Variants in RBX1 observed in about 807,000 individuals in gnomAD.
The protein encoded by RBX1 is E3 ubiquitin-protein ligase RBX1.
For synonymous variants in RBX1, 48 were observed against 47.9 expected, an observed-to-expected ratio of 1.00 and a Z score of -0.01; for missense variants, 46 against 141.4, an observed-to-expected ratio of 0.33 and a Z score of 3.42.
intron 2 of RBX1, among the ~76,000 whole-genome samples, chr22:40,961,781 C>T (rs1269649108): frequency 6.7e-6 from 1 of 149,442 alleles, no homozygotes; most frequent in African/African-American, 2.5e-5. Context: ...AAGTGCTTTG[C>T]TTTCTCTGTG....
In RBX1 at chr22:40,952,054, T is replaced by C. The variant is rs568330894; in HGVS notation, c.78+578T>C. 9.2e-5 allele frequency among the ~76,000 whole-genome samples: 14 copies of C among 152,208 alleles called. No individual in the cohort carries two copies. The South Asian group carries it at 2.7e-3, about 29-fold the overall frequency. ...TAGAGTCTGGAGTGTAATGCTTGGC[T>C]CTTCTGAGACGTCTGTTGGCTTTTC... On this transcript the variant is annotated intron_variant, in intron 1 of 4. Transcript: ENST00000216225.
intron 3 of RBX1, 71 bp from the exon 4 acceptor site, chr22:40,967,728 T>A (rs2058357970): frequency 1.6e-6 from 2 of 1,242,758 alleles, no homozygotes; most frequent in East Asian, 4.9e-5. Context: ...CACTACCCTG[T>A]GGGACCTGTT....
intron 4 of RBX1, 52 bp from the exon 5 acceptor site, chr22:40,972,424 C>G: frequency 6.6e-7 from 1 of 1,515,430 alleles, no homozygotes; most frequent in Non-Finnish European, 9.1e-7. Context: ...TTTTATGTCT[C>G]AAACAGGAAA....
At chr22:40,969,548 G>A (rs1000961134) in intron 4 of RBX1, among the ~76,000 whole-genome samples, 5 of 151,910 alleles carry the variant, frequency 3.3e-5, no homozygotes, top group Non-Finnish European at 7.4e-5. Flanking sequence ...CCACTAGTTC[G>A]AGACCAGCCT....
At chr22:40,953,750 G>C in intron 2 of RBX1, 117 bp downstream of exon 2, 3 of 706,716 alleles carry the variant, frequency 4.2e-6, no homozygotes, top group Non-Finnish European at 5.2e-6. Context: ...CTGAGCACTC[G>C]GTCTTCTGTA....
At chr22:40,970,843 A>G (rs2058367145) in intron 4 of RBX1, among the ~76,000 whole-genome samples, 1 of 152,222 alleles carries the variant, frequency 6.6e-6, no homozygotes. Context: ...TTGGTAAAAC[A>G]TTTGGAAGTC....
intron 4 of RBX1, among the ~76,000 whole-genome samples, chr22:40,968,911 C>T (rs1214932085): frequency 6.6e-6 from 1 of 151,432 alleles, no homozygotes; most frequent in Admixed American, 6.6e-5. Context: ...TAACAAACTA[C>T]CTCATTTCTA....
At chr22:40,972,126 C>A (rs1162994604) in intron 4 of RBX1, among the ~76,000 whole-genome samples, 1 of 152,158 alleles carries the variant, frequency 6.6e-6, no homozygotes, top group East Asian at 1.9e-4. Flanking sequence ...CTGTCTGAGC[C>A]CCTGTTGGGA....
rs768459265 is a variant in RBX1, at chr22:40,951,385, C to T, written c.-14C>T. 6 of 1,612,044 alleles carry T rather than the reference C, an allele frequency of 3.7e-6. 1 individual carries two copies. The highest frequency in any genetic ancestry group is 4.5e-5 in the East Asian group (2 of 44,824). On this transcript the variant is annotated 5_prime_UTR_variant, in exon 1 of 5. Coordinates refer to ENST00000216225, the MANE Select transcript of RBX1 (RefSeq NM_014248.4). ...CAGGCGCGGTGGTCGGACGACAGACCGTGTGTTTCCAAAATGGCGGCAGCG... is the reference window on the plus strand; with the variant it reads ...CAGGCGCGGTGGTCGGACGACAGACTGTGTGTTTCCAAAATGGCGGCAGCG...
At chr22:40,970,350 CAA>C (rs1000627504) in intron 4 of RBX1, among the ~76,000 whole-genome samples, 25 of 101,468 alleles carry the variant, frequency 2.5e-4, no homozygotes, top group Admixed American at 4.1e-4. Context: ...AACTTCGTCT[CAA>C]AAAAAAAAAA....
At chr22:40,972,330 G>A in intron 4 of RBX1, 146 bp from the exon 5 acceptor site, 1 of 605,426 alleles carries the variant, frequency 1.7e-6, no homozygotes. Flanking sequence ...CGACAGCCAA[G>A]CTAGTGTCAG....
intron 1 of RBX1, among the ~76,000 whole-genome samples, chr22:40,952,982 C>CA (rs1362925223): frequency 1.5e-5 from 2 of 130,094 alleles, no homozygotes; most frequent in Non-Finnish European, 3.3e-5. Context: ...AAGTTTGTGC[C>CA]CTTTTTTTTT....
chr22:40,972,080 T>C (rs1187151781), intron 4 of RBX1, among the ~76,000 whole-genome samples: 2 of 152,270 alleles, frequency 1.3e-5, no homozygotes, highest in Admixed American at 6.5e-5. Flanking sequence ...CAGGTGAAAA[T>C]AGGCCGCCAT....
At chr22:40,956,393 C>CATTTT (rs1441994477) in intron 2 of RBX1, among the ~76,000 whole-genome samples, 1 of 148,604 alleles carries the variant, frequency 6.7e-6, no homozygotes, top group African/African-American at 2.5e-5. Flanking sequence ...CAGGTCTTTA[C>CATTTT]CTTTTTTTTT....
chr22:40,957,236 A>G (rs992482769), intron 2 of RBX1, among the ~76,000 whole-genome samples: 9 of 149,658 alleles, frequency 6.0e-5, no homozygotes, highest in East Asian at 2.0e-4. Flanking sequence ...TCCCAGCTAC[A>G]TGGGAGGCTG....
Position 40,972,649 on chromosome 22 carries a change from C to T in RBX1, c.*161C>T. 1 of 605,328 alleles carries T rather than the reference C, an allele frequency of 1.7e-6. No individual in the cohort carries two copies. Among genetic ancestry groups the T allele is most frequent in the Non-Finnish European group, 3.0e-6 (1 of 337,432 alleles). The allele number at this position is 605,328 out of a possible 1,614,324, so 37.5% of individuals were successfully genotyped here. A position where few individuals can be genotyped will look rare whatever the true frequency, so the allele number is the denominator to read the frequency against. On this transcript the variant is annotated 3_prime_UTR_variant, in exon 5 of 5. Transcript: ENST00000216225. ...ATTGTATTCTGTGTCAAATAAAGTC[C>T]AGTTGGATTCTGGAACGGATGCTCT...
chr22:40,965,852 A>G (rs1430697953), intron 3 of RBX1, among the ~76,000 whole-genome samples: 2 of 152,208 alleles, frequency 1.3e-5, no homozygotes, highest in Non-Finnish European at 2.9e-5. Context: ...ATGGGGATAA[A>G]GGAAGTATAT....
chr22:40,958,033 C>T (rs2146298515), intron 2 of RBX1, among the ~76,000 whole-genome samples: 2 of 152,182 alleles, frequency 1.3e-5, no homozygotes, highest in Non-Finnish European at 2.9e-5. Flanking sequence ...ACTATGTTGG[C>T]CAGGCTGGTC....
chr22:40,954,864 G>A (rs547787197), intron 2 of RBX1, among the ~76,000 whole-genome samples: 41 of 151,986 alleles, frequency 2.7e-4, no homozygotes, highest in African/African-American at 8.4e-4. Flanking sequence ...TCAGCTCACT[G>A]CAACCTCCGC....
Sources: gnomAD v4.1 joint callset for allele counts (sites outside exome capture counted in the v4.1 genomes callset) on GRCh38, gnomAD v4.1.1 for gene constraint, MANE v1.5 for transcripts, NCBI Gene and HGNC (gene_info 2026-07-23, HGNC 2026-07-21) for gene names.